MTMR8: variants seen among roughly 807,000 people sequenced by gnomAD.
MTMR8 encodes myotubularin related protein 8, also known as phosphatidylinositol-3,5-bisphosphate 3-phosphatase MTMR8.
A neutral mutation model predicts 39.3 loss-of-function variants in MTMR8; 65 were observed. That is an observed-to-expected ratio of 1.65 (90% confidence interval 1.35 to 2.03). The LOEUF is 2.03. Ranked by LOEUF, MTMR8 falls within the 30% of genes most tolerant of loss-of-function variation. The pLI is 0.00. For missense variants in MTMR8, 777 were observed against 538.9 expected (o/e 1.44, Z -4.37); for synonymous variants, 245 against 185.2 (o/e 1.32, Z -2.62).
chrX:64,350,408 T>C (rs999458834), intron 4 of MTMR8, among the ~76,000 whole-genome samples: 1 of 111,577 alleles, frequency 9.0e-6, no homozygotes, highest in African/African-American at 3.3e-5. Context: ...TATGCACACG[T>C]AGGAATTTCA....
chrX:64,321,895 T>G (rs1197597463), intron 12 of MTMR8, among the ~76,000 whole-genome samples: 1 of 112,178 alleles, frequency 8.9e-6, no homozygotes. Flanking sequence ...AAATACTTTT[T>G]CTTCATCTGT....
intron 12 of MTMR8, among the ~76,000 whole-genome samples, chrX:64,323,398 C>A (rs1922706821): frequency 8.9e-6 from 1 of 111,890 alleles, no homozygotes; most frequent in Non-Finnish European, 1.9e-5. Flanking sequence ...ACACCTAACA[C>A]CAGAGTACCC....
intron 12 of MTMR8, among the ~76,000 whole-genome samples, chrX:64,275,801 G>A (rs757412055): frequency 6.7e-4 from 74 of 110,589 alleles, no homozygotes; most frequent in African/African-American, 2.2e-3. Flanking sequence ...TATTACAACC[G>A]ATGCAACAAA....
chrX:64,310,214 G>A (rs770721217), intron 12 of MTMR8, among the ~76,000 whole-genome samples: 2 of 111,894 alleles, frequency 1.8e-5, no homozygotes, highest in African/African-American at 6.5e-5. Context: ...AATGTTCACA[G>A]CATCTTTACT....
intron 8 of MTMR8, among the ~76,000 whole-genome samples, chrX:64,339,349 T>C (rs745803629): frequency 1.8e-5 from 2 of 111,063 alleles, no homozygotes; most frequent in East Asian, 5.7e-4. Context: ...GGGTTCAAAG[T>C]GAAAAGGAGT....
chrX:64,287,417 C>G (rs1314552267), intron 12 of MTMR8, among the ~76,000 whole-genome samples: 5 of 111,360 alleles, frequency 4.5e-5, no homozygotes, highest in Non-Finnish European at 7.5e-5. Context: ...TCAATGCCAT[C>G]CCCATCAAGC....
chrX:64,367,410 C>G (rs1413623947), intron 1 of MTMR8, among the ~76,000 whole-genome samples: 1 of 111,844 alleles, frequency 8.9e-6, no homozygotes. Flanking sequence ...CCTTATCCAC[C>G]ATGATCAATT....
At chrX:64,288,639 T>C (rs944962700) in intron 12 of MTMR8, among the ~76,000 whole-genome samples, 4 of 111,778 alleles carry the variant, frequency 3.6e-5, no homozygotes, top group African/African-American at 1.3e-4. Flanking sequence ...CAATGATAGA[T>C]TGGATTTAGA....
In MTMR8 at chrX:64,331,725, A is replaced by G; in HGVS notation, c.1184T>C (p.Val395Ala). 8.3e-7 allele frequency: 1 copy of G among 1,209,201 alleles called. No individual in the cohort carries two copies. Among genetic ancestry groups the G allele is most frequent in the Non-Finnish European group, 1.1e-6 (1 of 893,523 alleles). The change falls in exon 11 of 14, where the codon GTG becomes GCG. Residue 395 changes from valine (V) to alanine (A), a missense_variant. Val to Ala is a moderately conservative substitution (Grantham distance 64, BLOSUM62 0). Transcript: ENST00000374852. ...CGHLDGDSKE[V>A]SPIFTQFLDC... ...TAGGAACTGGGTGAAGATAGGGGAC[A>G]CTTCTTTAGAGTCCCCATCGAGGTG...
At chrX:64,378,248 G>T (rs191424891) in intron 1 of MTMR8, among the ~76,000 whole-genome samples, 15 of 112,169 alleles carry the variant, frequency 1.3e-4, no homozygotes, top group Non-Finnish European at 9.4e-5. Flanking sequence ...CATAAAAATA[G>T]AGGGGTCAGT....
At chrX:64,322,017 G>T (rs1182250911) in intron 12 of MTMR8, among the ~76,000 whole-genome samples, 3 of 109,917 alleles carry the variant, frequency 2.7e-5, no homozygotes, top group Admixed American at 9.7e-5. Flanking sequence ...TGTTTTTAAC[G>T]TGCTGTCGAA....
intron 12 of MTMR8, among the ~76,000 whole-genome samples, chrX:64,318,442 C>T (rs770032554): frequency 5.0e-4 from 55 of 110,848 alleles, no homozygotes; most frequent in Non-Finnish European, 6.4e-4. Flanking sequence ...TTTCTGTTCC[C>T]GTGTTATGTA....
intron 12 of MTMR8, among the ~76,000 whole-genome samples, chrX:64,310,260 C>A (rs951934076): frequency 8.9e-6 from 1 of 111,784 alleles, no homozygotes; most frequent in Non-Finnish European, 1.9e-5. Context: ...ACTTTCTTTG[C>A]TCATCCATAA....
Position 64,364,739 on chromosome X carries a change from G to C in MTMR8, c.25-5212C>G, listed in dbSNP as rs185383588. ...GGACTGCAGCTCCTCACCAGCAACGGAACAAAGCTAGATGAAGAATGGCTT... is the reference window on the plus strand; with the variant it reads ...GGACTGCAGCTCCTCACCAGCAACGCAACAAAGCTAGATGAAGAATGGCTT... On this transcript the variant is annotated intron_variant, in intron 1 of 13. Transcript: ENST00000374852. Among the ~76,000 whole-genome samples the C allele has an allele frequency of 2.5e-3, 282 of 111,761 alleles. 1 individual carries two copies. Among genetic ancestry groups the C allele is most frequent in the South Asian group, 0.011 (30 of 2,640 alleles).
intron 12 of MTMR8, among the ~76,000 whole-genome samples, chrX:64,289,046 A>T (rs1277862649): frequency 1.8e-5 from 2 of 110,078 alleles, no homozygotes; most frequent in Non-Finnish European, 3.8e-5. Context: ...AATATCCAGA[A>T]TATATTAAAA....
In MTMR8 at chrX:64,337,373, G is replaced by A; in HGVS notation, c.996C>T (p.Ala332=). The A allele has an allele frequency of 8.3e-7, 1 of 1,209,343 alleles. No individual in the cohort carries two copies. The highest frequency in any genetic ancestry group is 1.1e-6 in the Non-Finnish European group (1 of 894,409). The change falls in exon 9 of 14, where the codon GCC becomes GCT. Residue 332 remains alanine, a synonymous_variant. Transcript: ENST00000374852. ...CATCAGAACAATGGACTAAGACACT[G>A]GCCTTTTCTACCTTCACTGCCTGTG... is the stretch of plus-strand genomic sequence containing the variant. ...FITKAVKVEK[A]SVLVHCSDGW... is the part of the protein sequence containing the mutation.
At chrX:64,269,125 C>T in intron 13 of MTMR8, 82 bp from the exon 14 acceptor site, 2 of 996,998 alleles carry the variant, frequency 2.0e-6, no homozygotes, top group Non-Finnish European at 2.7e-6. Context: ...CTGCAGAGAT[C>T]CTATTGCTGT....
At chrX:64,324,961 C>A (rs745755807) in intron 12 of MTMR8, among the ~76,000 whole-genome samples, 1 of 109,393 alleles carries the variant, frequency 9.1e-6, no homozygotes, top group Non-Finnish European at 1.9e-5. Flanking sequence ...AAATTAGATA[C>A]CAAAAAAAGA....
At chrX:64,369,358 C>A (rs1353330860) in intron 1 of MTMR8, among the ~76,000 whole-genome samples, 1 of 111,916 alleles carries the variant, frequency 8.9e-6, no homozygotes, top group Non-Finnish European at 1.9e-5. Flanking sequence ...AAGCTTGGAA[C>A]CAACCCAGAT....
Sources: allele counts gnomAD v4.1 joint callset (sites outside exome capture counted in the v4.1 genomes callset), GRCh38; gene constraint gnomAD v4.1.1; transcripts MANE v1.5; gene names NCBI Gene and HGNC (gene_info 2026-07-23, HGNC 2026-07-21).